Variants in PLCH1 observed in about 807,000 individuals in gnomAD.
PLCH1 encodes phospholipase C eta 1.
A neutral mutation model predicts 126.7 loss-of-function variants in PLCH1; 60 were observed. The observed-to-expected ratio is 0.47, with a 90% CI of 0.38 to 0.59. PLCH1 has a LOEUF of 0.59. PLCH1 is among the 20% of genes least tolerant of loss of function. The pLI is 0.00. For synonymous variants in PLCH1, 719 were observed against 734.9 expected (o/e 0.98, Z 0.35); for missense variants, 1,723 against 2,040.0 (o/e 0.84, Z 2.99).
chr3:155,527,021 A>G lies in PLCH1; in HGVS notation c.1363-3017T>C, dbSNP rs542456405. Among the ~76,000 whole-genome samples, 4 of 152,134 alleles carry G rather than the reference A, an allele frequency of 2.6e-5. No homozygotes were observed. In the South Asian group the frequency reaches 8.3e-4, roughly 32 times the overall value. On this transcript the variant is annotated intron_variant, in intron 10 of 22. Coordinates refer to ENST00000460012, the MANE Select transcript of PLCH1 (RefSeq NM_014996.4). The stretch of plus-strand genomic sequence containing the variant: ...CCTAAAGGTAGCTGCCAGCATGTCC[A>G]CCCTACTCCCTCCACCCACCAGGAT...
chr3:155,503,082 C>T (rs1718138324), intron 13 of PLCH1, among the ~76,000 whole-genome samples: 1 of 152,126 alleles, frequency 6.6e-6, no homozygotes, highest in South Asian at 2.1e-4. Context: ...TCTTTTTTCA[C>T]TATTTTATTG....
chr3:155,633,956 G>C (rs941463837), intron 2 of PLCH1, among the ~76,000 whole-genome samples: 4 of 152,056 alleles, frequency 2.6e-5, no homozygotes, highest in African/African-American at 9.7e-5. Flanking sequence ...AAGCATTCCT[G>C]ACTCCATCTT....
intron 2 of PLCH1, among the ~76,000 whole-genome samples, chr3:155,637,971 A>G (rs1418762916): frequency 6.6e-6 from 1 of 152,178 alleles, no homozygotes; most frequent in Non-Finnish European, 1.5e-5. Flanking sequence ...GGGGTTCAAC[A>G]GTTAGGAAGA....
intron 21 of PLCH1, among the ~76,000 whole-genome samples, chr3:155,464,751 C>T (rs1408033564): frequency 6.6e-6 from 1 of 152,118 alleles, no homozygotes; most frequent in East Asian, 1.9e-4. Context: ...TAGGCAATCT[C>T]CAAATGATAA....
chr3:155,718,348 T>C (rs953725499), intron 1 of PLCH1, among the ~76,000 whole-genome samples: 3 of 152,246 alleles, frequency 2.0e-5, no homozygotes, highest in African/African-American at 7.2e-5. Context: ...TTTAAACCTC[T>C]GCCTGTTACC....
At chr3:155,724,709 T>C (rs900102468) in intron 1 of PLCH1, among the ~76,000 whole-genome samples, 1 of 152,100 alleles carries the variant, frequency 6.6e-6, no homozygotes, top group Non-Finnish European at 1.5e-5. Context: ...ATTCTGTATA[T>C]TTTAAGTGGA....
chr3:155,663,445 G>A (rs1281229130), intron 2 of PLCH1, among the ~76,000 whole-genome samples: 2 of 152,102 alleles, frequency 1.3e-5, no homozygotes, highest in African/African-American at 2.4e-5. Flanking sequence ...CTCTCTTTCC[G>A]CTTTTGCTCC....
At chr3:155,723,985 G>T (rs1292232211) in intron 1 of PLCH1, among the ~76,000 whole-genome samples, 1 of 148,686 alleles carries the variant, frequency 6.7e-6, no homozygotes, top group African/African-American at 2.5e-5. Flanking sequence ...ATTCCATCTT[G>T]ATTTCATTGT....
intron 10 of PLCH1, 87 bp downstream of exon 10, chr3:155,549,700 C>G: frequency 1.1e-6 from 1 of 890,082 alleles, no homozygotes; most frequent in Non-Finnish European, 1.7e-6. Flanking sequence ...AATTATTATT[C>G]TCCCTTGAAA....
At chr3:155,596,655 T>C (rs1658828443) in intron 2 of PLCH1, among the ~76,000 whole-genome samples, 1 of 152,164 alleles carries the variant, frequency 6.6e-6, no homozygotes, top group African/African-American at 2.4e-5. Flanking sequence ...TGTTTTTTGG[T>C]ATGAGACTTA....
intron 19 of PLCH1, 46 bp from the exon 20 acceptor site, chr3:155,488,852 C>A: frequency 1.3e-6 from 2 of 1,555,186 alleles, no homozygotes; most frequent in South Asian, 2.4e-5. Flanking sequence ...AAGGACTTGG[C>A]TGAAAATGAG....
At chr3:155,520,809 G>T (rs1211285943) in intron 11 of PLCH1, among the ~76,000 whole-genome samples, 1 of 152,160 alleles carries the variant, frequency 6.6e-6, no homozygotes, top group Non-Finnish European at 1.5e-5. Flanking sequence ...TTTTCTCTAT[G>T]GCTGGAGCCA....
chr3:155,546,882 A>T (rs1460360995), intron 10 of PLCH1, among the ~76,000 whole-genome samples: 1 of 140,786 alleles, frequency 7.1e-6, no homozygotes, highest in Non-Finnish European at 1.6e-5. Flanking sequence ...TTATACAAAA[A>T]TCAATTCAAG....
At chr3:155,466,743 A>G (rs1421362397) in intron 21 of PLCH1, among the ~76,000 whole-genome samples, 1 of 152,240 alleles carries the variant, frequency 6.6e-6, no homozygotes, top group African/African-American at 2.4e-5. Flanking sequence ...GAAGTTCAAC[A>G]TAACACAGAG....
intron 2 of PLCH1, among the ~76,000 whole-genome samples, chr3:155,610,381 AAAAAAAAAC>A (rs1211240913): frequency 4.0e-5 from 6 of 150,006 alleles, no homozygotes; most frequent in East Asian, 3.9e-4. Context: ...AAAAAAAAAA[AAAAAAAAAC>A]CATCACCTAG....
intron 2 of PLCH1, among the ~76,000 whole-genome samples, chr3:155,691,326 T>G (rs1199846811): frequency 6.6e-6 from 1 of 152,176 alleles, no homozygotes. Flanking sequence ...TTCCTAATGA[T>G]CCCTCAAGAA....
At chr3:155,535,900 C>T (rs1025262732) in intron 10 of PLCH1, among the ~76,000 whole-genome samples, 2 of 152,176 alleles carry the variant, frequency 1.3e-5, no homozygotes, top group Admixed American at 6.5e-5. Context: ...CTAAACAAAA[C>T]AACCAAGGAC....
At chr3:155,614,600 A>T (rs1022751054) in intron 2 of PLCH1, among the ~76,000 whole-genome samples, 5 of 152,238 alleles carry the variant, frequency 3.3e-5, no homozygotes, top group African/African-American at 1.2e-4. Context: ...AGACCAATGG[A>T]ACAGAATAGA....
chr3:155,610,372 A>C (rs1423391988), intron 2 of PLCH1, among the ~76,000 whole-genome samples: 1 of 148,344 alleles, frequency 6.7e-6, no homozygotes, highest in African/African-American at 2.5e-5. Context: ...GAGAAAAAAA[A>C]AAAAAAAAAA....
Sources: gnomAD v4.1 joint callset for allele counts (sites outside exome capture counted in the v4.1 genomes callset) on GRCh38, gnomAD v4.1.1 for gene constraint, MANE v1.5 for transcripts, NCBI Gene and HGNC (gene_info 2026-07-23, HGNC 2026-07-21) for gene names.